Variants in PSMD5 observed in about 807,000 individuals in gnomAD.
PSMD5 encodes the protein 26S proteasome non-ATPase regulatory subunit 5.
In PSMD5, 40 loss-of-function variants were observed where a neutral mutation model predicts 52.1. The ratio of observed to expected loss-of-function variants is 0.77; its 90% CI spans 0.60 to 1.00. The LOEUF (loss-of-function observed/expected upper bound fraction) is 1.00, where lower values mean the gene tolerates loss of function less well. Among genes scored for constraint, PSMD5 ranks in the 50% least tolerant of loss-of-function variants. PSMD5 has a pLI of 0.00. For missense variants in PSMD5, 575 were observed against 605.2 expected, an observed-to-expected ratio of 0.95 and a Z score of 0.52; for synonymous variants, 211 against 226.6, an observed-to-expected ratio of 0.93 and a Z score of 0.62.
At chr9:120,824,342 G>A (rs753003023) in intron 7 of PSMD5, 152 bp downstream of exon 7, 3 of 654,460 alleles carry the variant, frequency 4.6e-6, no homozygotes, top group South Asian at 1.7e-5. Context: ...ATAATTATTA[G>A]ATTTTCAGAC....
chr9:120,838,263 T>C (rs7035159), intron 1 of PSMD5, among the ~76,000 whole-genome samples: 5,450 of 152,328 alleles, frequency 0.036, 351 homozygotes, highest in African/African-American at 0.12. Context: ...CAGTTCATTG[T>C]ATATAAATTA....
Position 120,824,655 on chromosome 9 carries a change from A to G in PSMD5, c.845T>C (p.Val282Ala), listed in dbSNP as rs1052647426. 3.1e-6 allele frequency: 5 copies of G among 1,601,286 alleles called. No individual in the cohort carries two copies. The African/African-American group carries it at 6.8e-5, about 22-fold the overall frequency. ...GFVKFFGNLA[V>A]MDSPQQICER... Reference sequence around the variant, plus strand: ...ACAGATCTGTTGAGGACTATCCATGACAGCCAGGTTTCCAAAAAACTTCAC... The same window carrying G: ...ACAGATCTGTTGAGGACTATCCATGGCAGCCAGGTTTCCAAAAAACTTCAC... The change falls in exon 7 of 10, where the codon GTC becomes GCC. Residue 282 changes from valine to alanine, a missense_variant. Val to Ala is a moderately conservative substitution (Grantham distance 64, BLOSUM62 0). Coordinates refer to ENST00000210313, the MANE Select transcript of PSMD5 (RefSeq NM_005047.4).
chr9:120,831,521 G>A (rs759712608), intron 3 of PSMD5, 62 bp from the exon 4 acceptor site: 1 of 1,505,694 alleles, frequency 6.6e-7, no homozygotes, highest in South Asian at 1.3e-5. Context: ...TACTTCATAA[G>A]AGTGATGTAA....
intron 9 of PSMD5, 152 bp downstream of exon 9, chr9:120,820,687 G>T: frequency 1.5e-6 from 1 of 669,112 alleles, no homozygotes; most frequent in Non-Finnish European, 2.3e-6. Context: ...TTACACATCT[G>T]TCTCCTTACT....
rs757681689 is a variant in PSMD5, at chr9:120,831,347, C to T, written c.545G>A (p.Arg182Gln). 5.6e-6 allele frequency: 9 copies of T among 1,608,612 alleles called. No individual in the cohort carries two copies. Among genetic ancestry groups the T allele is most frequent in the East Asian group, 4.5e-5 (2 of 44,756 alleles). ...TTATCTTACCTCATACACCCTGTAT[C>T]GAACAATGTCATTTGTTTTCATTAC... is the stretch of plus-strand genomic sequence containing the variant. ...KSVMKTNDIV[R>Q]YRVYELIIEI... Residue 182 changes from arginine (R) to glutamine (Q), a missense_variant, in exon 4 of 10, where the codon CGA becomes CAA. Arg to Gln is a conservative substitution (Grantham distance 43). Transcript: ENST00000210313.
At chr9:120,840,059 C>T (rs913573749) in intron 1 of PSMD5, among the ~76,000 whole-genome samples, 2 of 141,760 alleles carry the variant, frequency 1.4e-5, no homozygotes, top group Non-Finnish European at 3.0e-5. Context: ...ACCTGGGAGG[C>T]GAGGTTACAG....
chr9:120,824,652 A>T lies in PSMD5; in HGVS notation c.848T>A (p.Met283Lys). The T allele has an allele frequency of 6.2e-7, 1 of 1,600,116 alleles. No homozygotes were observed. The highest frequency in any genetic ancestry group is 2.2e-5 in the East Asian group (1 of 44,798). Residue 283 changes from methionine (M) to lysine (K), a missense_variant, in exon 7 of 10, where the codon ATG becomes AAG. Physicochemically the swap from Met to Lys is moderately conservative, Grantham distance 95 (BLOSUM62 -1). Transcript: ENST00000210313. ...CTCACAGATCTGTTGAGGACTATCC[A>T]TGACAGCCAGGTTTCCAAAAAACTT... Reference protein sequence around the residue: ...FVKFFGNLAVMDSPQQICERY... With the variant: ...FVKFFGNLAVKDSPQQICERY...
rs780477388 is a variant in PSMD5, at chr9:120,831,478, A to G, written c.433-19T>C. 1.3e-6 allele frequency: 2 copies of G among 1,584,694 alleles called. No individual in the cohort carries two copies. Among genetic ancestry groups the G allele is most frequent in the Non-Finnish European group, 1.7e-6 (2 of 1,168,800 alleles). On this transcript the variant is annotated intron_variant, in intron 3 of 9. Coordinates refer to ENST00000210313, the MANE Select transcript of PSMD5 (RefSeq NM_005047.4). Reference sequence around the variant, plus strand: ...TGATAGCCTTATAACGAAAGAAAATATCTCTTACATTCCCAAAATGCAGGT... The same window carrying G: ...TGATAGCCTTATAACGAAAGAAAATGTCTCTTACATTCCCAAAATGCAGGT...
Position 120,818,080 on chromosome 9 carries a change from C to T in PSMD5, c.1341G>A (p.Glu447=), listed in dbSNP as rs1169256319. ...FVEYVVDRSV[E]HDKASKDAKY... is the part of the protein sequence containing the mutation. ...TGGCATCCTTTGAAGCTTTGTCATG[C>T]TCCACAGACCGGTCCACCACATATT... Residue 447 remains glutamate (E), a synonymous_variant, in exon 10 of 10, where the codon GAG becomes GAA. Transcript: ENST00000210313. 2 of 1,614,080 alleles carry T rather than the reference C, an allele frequency of 1.2e-6. No homozygotes were observed. The highest frequency in any genetic ancestry group is 1.6e-4 in the Middle Eastern group (1 of 6,084).
intron 5 of PSMD5, among the ~76,000 whole-genome samples, chr9:120,827,488 G>C (rs1484842775): frequency 6.6e-6 from 1 of 152,114 alleles, no homozygotes; most frequent in Non-Finnish European, 1.5e-5. Flanking sequence ...ATCCAACCAT[G>C]ATCAAAGAAA....
chr9:120,823,214 C>CTT (rs1322695765), intron 7 of PSMD5, among the ~76,000 whole-genome samples: 4 of 139,840 alleles, frequency 2.9e-5, no homozygotes, highest in Admixed American at 7.2e-5. Flanking sequence ...TTCTTTCTTT[C>CTT]TTTTTTTTTT....
At chr9:120,834,126 CATG>C (rs2131432652) in intron 1 of PSMD5, among the ~76,000 whole-genome samples, 1 of 152,060 alleles carries the variant, frequency 6.6e-6, no homozygotes, top group South Asian at 2.1e-4. Context: ...ACTACAGGTG[CATG>C]CCACCACACC....
intron 9 of PSMD5, among the ~76,000 whole-genome samples, chr9:120,819,093 C>CTT (rs1244398898): frequency 3.9e-5 from 6 of 152,326 alleles, no homozygotes; most frequent in African/African-American, 1.4e-4. Flanking sequence ...AAAAATTCTA[C>CTT]TTCTAAGTCT....
rs1339246601 is a variant in PSMD5 at position 120,821,395 on chromosome 9, AT to A, written c.1075del (p.Ile359LeufsTer23). 1.2e-6 allele frequency: 2 copies of A among 1,607,540 alleles called. No individual in the cohort carries two copies. Among genetic ancestry groups the A allele is most frequent in the Admixed American group, 1.7e-5 (1 of 58,864 alleles). On this transcript the variant is annotated frameshift_variant, in exon 8 of 10. Coordinates refer to ENST00000210313, the MANE Select transcript of PSMD5 (RefSeq NM_005047.4). LOFTEE classifies it high-confidence loss of function. ...AGATGAAATTGCATCCAAACATCTA[AT>A]TTTTAGCTCCACTGGGGCATTCTTT... ...QSKNAPVELKIRCLDAISSLL... is the reference protein window; with the variant it reads ...QSKNAPVELKXRCLDAISSLL...
intron 1 of PSMD5, among the ~76,000 whole-genome samples, chr9:120,840,594 C>T (rs1429602238): frequency 6.7e-6 from 1 of 148,622 alleles, no homozygotes; most frequent in Non-Finnish European, 1.5e-5. Flanking sequence ...TACAGGTGTG[C>T]GCTACCAAGC....
chr9:120,830,381 T>C (rs575648941), intron 4 of PSMD5, among the ~76,000 whole-genome samples: 3 of 152,306 alleles, frequency 2.0e-5, no homozygotes, highest in African/African-American at 7.2e-5. Flanking sequence ...AAGGTCTCAG[T>C]TGGAAGTTTA....
chr9:120,824,109 T>TAAAAAAAAAAA (rs34305055), intron 7 of PSMD5: 1 of 111,068 alleles, frequency 9.0e-6, no homozygotes, highest in African/African-American at 4.1e-5. Context: ...CTCAATCTCT[T>TAAAAAAAAAAA]AAAAAAAAAA....
At chr9:120,842,349 T>C (rs7021707) in intron 1 of PSMD5, 4,040 of 200,382 alleles carry the variant, frequency 0.02, 187 homozygotes, top group African/African-American at 0.085. Flanking sequence ...GAATTTAAAA[T>C]GCTGATGGTT....
chr9:120,835,890 C>T (rs538406774), intron 1 of PSMD5, among the ~76,000 whole-genome samples: 7 of 152,110 alleles, frequency 4.6e-5, no homozygotes, highest in Admixed American at 1.3e-4. Flanking sequence ...CACTCTTAAA[C>T]GCACAGTTCT....
Sources: gnomAD v4.1 joint callset for allele counts (sites outside exome capture counted in the v4.1 genomes callset) on GRCh38, gnomAD v4.1.1 for gene constraint, MANE v1.5 for transcripts, NCBI Gene and HGNC (gene_info 2026-07-23, HGNC 2026-07-21) for gene names.